Variants in ITCH observed in about 807,000 individuals in gnomAD.
ITCH encodes E3 ubiquitin-protein ligase Itchy homolog.
ITCH carries 28 observed loss-of-function variants against 126.8 expected under a neutral mutation model. The ratio of observed to expected loss-of-function variants is 0.22; its 90% confidence interval spans 0.16 to 0.30. The LOEUF (loss-of-function observed/expected upper bound fraction) is 0.30, where lower values mean the gene tolerates loss of function less well. Ranked by LOEUF, ITCH falls within the 10% of genes least tolerant of loss-of-function variation. ITCH has a pLI of 1.00. For missense variants in ITCH, 631 were observed against 1,032.4 expected (o/e 0.61, Z 5.33); for synonymous variants, 342 against 340.0 (o/e 1.01, Z -0.06).
At chr20:34,498,483 TATTA>T (rs1990031271) in intron 23 of ITCH, among the ~76,000 whole-genome samples, 1 of 152,234 alleles carries the variant, frequency 6.6e-6, no homozygotes, top group Admixed American at 6.5e-5. Flanking sequence ...ATATAGCCTT[TATTA>T]TGTTCAGGTA....
chr20:34,367,013 C>G (rs778061968), intron 1 of ITCH, among the ~76,000 whole-genome samples: 1 of 151,942 alleles, frequency 6.6e-6, no homozygotes, highest in African/African-American at 2.4e-5. Context: ...TAGAGCTAAT[C>G]TGGGTAAAGG....
intron 12 of ITCH, among the ~76,000 whole-genome samples, chr20:34,451,858 G>A (rs1241780834): frequency 2.6e-5 from 4 of 152,002 alleles, no homozygotes; most frequent in Non-Finnish European, 5.9e-5. Flanking sequence ...GCTTGAGCCC[G>A]GGAGTTGGAG....
intron 2 of ITCH, among the ~76,000 whole-genome samples, chr20:34,372,824 T>A (rs1202155063): frequency 6.6e-6 from 1 of 152,140 alleles, no homozygotes; most frequent in Non-Finnish European, 1.5e-5. Flanking sequence ...AAACTCCTGG[T>A]TTAAGGATTT....
intron 2 of ITCH, among the ~76,000 whole-genome samples, chr20:34,388,994 C>T (rs138954146): frequency 2.8e-4 from 43 of 152,028 alleles, no homozygotes; most frequent in African/African-American, 9.9e-4. Context: ...AATATAAATA[C>T]AATCATCCCT....
intron 18 of ITCH, 50 bp downstream of exon 18, chr20:34,479,839 A>C (rs1206246927): frequency 6.5e-7 from 1 of 1,527,792 alleles, no homozygotes; most frequent in African/African-American, 1.4e-5. Flanking sequence ...AGCAATACTA[A>C]ATTTTCTCTT....
At chr20:34,483,153 G>A (rs544953331) in intron 20 of ITCH, among the ~76,000 whole-genome samples, 64 of 152,274 alleles carry the variant, frequency 4.2e-4, no homozygotes, top group South Asian at 2.9e-3. Flanking sequence ...CTGCCTACAG[G>A]CTTGTGATAG....
rs1231912526 is a variant in ITCH at position 34,398,067 on chromosome 20, AT to A, written c.70+4193del. ...AAGTCGTAATCCATAGCCATCTCAG[AT>A]TTTTTTCTTTTTGAGATGGGGTCTC... is the stretch of plus-strand genomic sequence containing the variant. On this transcript the variant is annotated intron_variant, in intron 3 of 24. Transcript: ENST00000374864. Among the ~76,000 whole-genome samples the A allele has an allele frequency of 3.3e-5, 5 of 150,110 alleles. No homozygotes were observed. In the Admixed American group the frequency reaches 3.3e-4, roughly 10 times the overall value.
intron 6 of ITCH, among the ~76,000 whole-genome samples, chr20:34,423,611 C>T (rs1568924788): frequency 6.6e-6 from 1 of 151,726 alleles, no homozygotes; most frequent in Non-Finnish European, 1.5e-5. Flanking sequence ...CAACACTTTT[C>T]TTTTTTTTGA....
chr20:34,476,844 G>A (rs1175633211), intron 16 of ITCH: 1 of 153,892 alleles, frequency 6.5e-6, no homozygotes. Context: ...ATTGATATAT[G>A]CAGTGCTATA....
intron 23 of ITCH, among the ~76,000 whole-genome samples, chr20:34,495,294 A>ATAATATAT (rs1555885663): frequency 8.3e-6 from 1 of 120,528 alleles, no homozygotes; most frequent in Non-Finnish European, 1.7e-5. Context: ...AAATAAATAA[A>ATAATATAT]ATATATATAT....
chr20:34,499,967 A>G (rs1288409888), intron 23 of ITCH, among the ~76,000 whole-genome samples: 1 of 152,120 alleles, frequency 6.6e-6, no homozygotes, highest in African/African-American at 2.4e-5. Flanking sequence ...TTTAATTACC[A>G]TGTATTTATA....
intron 3 of ITCH, among the ~76,000 whole-genome samples, chr20:34,406,831 G>C (rs1270286114): frequency 6.6e-6 from 1 of 152,168 alleles, no homozygotes; most frequent in Non-Finnish European, 1.5e-5. Flanking sequence ...ACCGCACCCG[G>C]CTATATTAAG....
chr20:34,446,678 T>C (rs985040778), intron 11 of ITCH, among the ~76,000 whole-genome samples: 1 of 152,206 alleles, frequency 6.6e-6, no homozygotes, highest in Non-Finnish European at 1.5e-5. Context: ...TTCTAAATTA[T>C]AATCACCTGT....
Position 34,413,178 on chromosome 20 carries a change from A to G in ITCH, c.337+539A>G, listed in dbSNP as rs1979290034. 2.6e-5 allele frequency among the ~76,000 whole-genome samples: 4 copies of G among 152,126 alleles called. No individual in the cohort carries two copies. The South Asian group carries it at 8.3e-4, about 32-fold the overall frequency. Reference sequence around the variant, plus strand: ...TGGGACTATAGGCAGGTACCACCACATCCAGCTTTAAATGCTTATTTTTAA... The same window carrying G: ...TGGGACTATAGGCAGGTACCACCACGTCCAGCTTTAAATGCTTATTTTTAA... On this transcript the variant is annotated intron_variant, in intron 5 of 24. Coordinates refer to ENST00000374864, the MANE Select transcript of ITCH (RefSeq NM_031483.7).
At chr20:34,468,242 G>A (rs746783524) in intron 14 of ITCH, among the ~76,000 whole-genome samples, 27 of 151,602 alleles carry the variant, frequency 1.8e-4, no homozygotes, top group Non-Finnish European at 2.8e-4. Flanking sequence ...CACTGTGTTA[G>A]CCAGGATGTT....
chr20:34,419,729 G>T (rs948853090), intron 6 of ITCH, among the ~76,000 whole-genome samples: 1 of 151,990 alleles, frequency 6.6e-6, no homozygotes, highest in Non-Finnish European at 1.5e-5. Context: ...ATCTCCGCTC[G>T]CTGCAAGCTC....
At chr20:34,476,363 G>C (rs1267234665) in intron 16 of ITCH, 1 of 1,341,990 alleles carries the variant, frequency 7.5e-7, no homozygotes, top group Non-Finnish European at 9.8e-7. Flanking sequence ...CGGCTCCTCA[G>C]CAGGCCGCTG....
chr20:34,390,605 A>G (rs552243884), intron 2 of ITCH, among the ~76,000 whole-genome samples: 4 of 151,862 alleles, frequency 2.6e-5, no homozygotes, highest in African/African-American at 4.8e-5. Flanking sequence ...GTGTACCACC[A>G]TACCTGGCTA....
At chr20:34,482,011 A>G (rs2146476355) in intron 20 of ITCH, among the ~76,000 whole-genome samples, 1 of 146,554 alleles carries the variant, frequency 6.8e-6, no homozygotes, top group Non-Finnish European at 1.5e-5. Flanking sequence ...CTCTGTCTCA[A>G]AACAAACAAA....
Sources: gnomAD v4.1 joint callset for allele counts (sites outside exome capture counted in the v4.1 genomes callset) on GRCh38, gnomAD v4.1.1 for gene constraint, MANE v1.5 for transcripts, NCBI Gene and HGNC (gene_info 2026-07-23, HGNC 2026-07-21) for gene names.